The following VPS13B variants were observed in gnomAD, a reference collection of about 807,000 sequenced individuals.
VPS13B encodes intermembrane lipid transfer protein VPS13B.
VPS13B carries 285 observed loss-of-function variants against 426.4 expected under a neutral mutation model. The ratio of observed to expected loss-of-function variants is 0.67; its 90% CI spans 0.61 to 0.74. The LOEUF (loss-of-function observed/expected upper bound fraction) is 0.74, where lower values mean the gene tolerates loss of function less well. Ranked by LOEUF, VPS13B falls within the 30% of genes least tolerant of loss-of-function variation. The pLI is 0.00. For synonymous variants in VPS13B, 1,676 were observed against 1,676.4 expected, an observed-to-expected ratio of 1.00 and a Z score of 0.01; for missense variants, 4,537 against 4,782.6, an observed-to-expected ratio of 0.95 and a Z score of 1.51.
intron 21 of VPS13B, among the ~76,000 whole-genome samples, chr8:99,408,219 A>G (rs553766888): frequency 6.6e-6 from 1 of 152,296 alleles, no homozygotes; most frequent in East Asian, 1.9e-4. Flanking sequence ...TGGCTATTTT[A>G]CCAATATTAA....
intron 32 of VPS13B, among the ~76,000 whole-genome samples, chr8:99,577,186 AAAC>A: frequency 6.6e-6 from 1 of 152,312 alleles, no homozygotes. Context: ...TACATATTGA[AAAC>A]AATAATAATA....
intron 3 of VPS13B, among the ~76,000 whole-genome samples, chr8:99,062,889 C>T (rs1844267502): frequency 6.6e-6 from 1 of 152,080 alleles, no homozygotes; most frequent in Non-Finnish European, 1.5e-5. Context: ...GATGGGCACT[C>T]AAGTATAGAA....
chr8:99,248,332 T>C (rs2132910111), intron 17 of VPS13B, among the ~76,000 whole-genome samples: 1 of 152,302 alleles, frequency 6.6e-6, no homozygotes, highest in South Asian at 2.1e-4. Context: ...TTTCTTTCAA[T>C]GTATACATAT....
chr8:99,753,526 C>A (rs1810498008), intron 39 of VPS13B, among the ~76,000 whole-genome samples: 1 of 152,176 alleles, frequency 6.6e-6, no homozygotes, highest in East Asian at 1.9e-4. Flanking sequence ...TGCCCCTGCT[C>A]TAAGTTTTAA....
chr8:99,133,223 G>A (rs1809895332), intron 8 of VPS13B, among the ~76,000 whole-genome samples: 1 of 152,148 alleles, frequency 6.6e-6, no homozygotes, highest in Non-Finnish European at 1.5e-5. Flanking sequence ...GCGCTTTTAT[G>A]GTATGGAGAC....
chr8:99,051,617 G>A (rs1474743863), intron 3 of VPS13B, among the ~76,000 whole-genome samples: 5 of 152,118 alleles, frequency 3.3e-5, no homozygotes, highest in African/African-American at 1.2e-4. Context: ...AAATTACCTT[G>A]GGCAATATGG....
rs764859638 is a variant in VPS13B, at chr8:99,766,757, T to G, written c.7051-17T>G. 4.4e-6 allele frequency: 7 copies of G among 1,607,000 alleles called. No homozygotes were observed. Among genetic ancestry groups the G allele is most frequent in the South Asian group, 1.1e-5 (1 of 89,372 alleles). On this transcript the variant is annotated splice_polypyrimidine_tract_variant and intron_variant, in intron 39 of 61. Transcript: ENST00000357162. ...GTTTCTATTTGCAACTTCTAAATTT[T>G]TTTTATTTTAACATAGGTTCCTTGT...
At chr8:99,661,524 AT>A (rs1020658184) in intron 35 of VPS13B, 33 bp downstream of exon 35, 58 of 1,607,576 alleles carry the variant, frequency 3.6e-5, no homozygotes, top group Non-Finnish European at 4.7e-5. Context: ...ATGTGTGTAC[AT>A]TTTTTATGTG....
chr8:99,303,750 A>AAAAAAAAAAC (rs1820499522), intron 19 of VPS13B, among the ~76,000 whole-genome samples: 1 of 150,868 alleles, frequency 6.6e-6, no homozygotes. Context: ...AAAAAAAAAA[A>AAAAAAAAAAC]AGAATATATG....
chr8:99,621,197 A>G (rs1173630733), intron 33 of VPS13B, among the ~76,000 whole-genome samples: 2 of 152,140 alleles, frequency 1.3e-5, no homozygotes, highest in African/African-American at 4.8e-5. Context: ...TTAACAGGAA[A>G]CTTAGACTCC....
chr8:99,733,872 T>C (rs1563888090), intron 39 of VPS13B, among the ~76,000 whole-genome samples: 1 of 152,212 alleles, frequency 6.6e-6, no homozygotes, highest in African/African-American at 2.4e-5. Context: ...TATTGAGATA[T>C]AATTCACACA....
intron 58 of VPS13B, among the ~76,000 whole-genome samples, chr8:99,862,655 G>A (rs906177720): frequency 2.6e-5 from 4 of 152,150 alleles, no homozygotes; most frequent in South Asian, 2.1e-4. Flanking sequence ...TGCCTTCCGC[G>A]CATCTGAGGA....
At chr8:99,165,247 C>T (rs1030626406) in intron 15 of VPS13B, among the ~76,000 whole-genome samples, 2 of 151,998 alleles carry the variant, frequency 1.3e-5, no homozygotes, top group Non-Finnish European at 2.9e-5. Context: ...TTACTATAGT[C>T]TTCATGTTGT....
intron 17 of VPS13B, among the ~76,000 whole-genome samples, chr8:99,239,511 G>A (rs1450236722): frequency 1.3e-5 from 2 of 152,090 alleles, no homozygotes. Context: ...TGCCTCATTT[G>A]TAATAGTTAG....
intron 29 of VPS13B, among the ~76,000 whole-genome samples, chr8:99,519,641 C>T (rs865972633): frequency 3.3e-5 from 5 of 152,058 alleles, no homozygotes; most frequent in African/African-American, 9.7e-5. Flanking sequence ...GATGAGTTCA[C>T]GTCCTTTGTA....
chr8:99,842,452 T>A (rs569317805), intron 54 of VPS13B, among the ~76,000 whole-genome samples: 33 of 143,186 alleles, frequency 2.3e-4, no homozygotes, highest in African/African-American at 7.9e-4. Flanking sequence ...CTACAGAAAT[T>A]AAAAAAAAAA....
At chr8:99,485,252 A>G (rs1820241637) in intron 25 of VPS13B, among the ~76,000 whole-genome samples, 1 of 152,202 alleles carries the variant, frequency 6.6e-6, no homozygotes, top group Admixed American at 6.5e-5. Context: ...TAGTAGCCCT[A>G]TGCTGTTATT....
intron 2 of VPS13B, among the ~76,000 whole-genome samples, chr8:99,024,292 G>A (rs968732589): frequency 6.6e-6 from 1 of 152,318 alleles, no homozygotes; most frequent in Admixed American, 6.5e-5. Context: ...GTGTGCATGC[G>A]CACATGTGTG....
In VPS13B at chr8:99,229,672, A is replaced by G. The variant is rs1219011661; in HGVS notation, c.2515+36615A>G. ...ACCGTTACGGGCAAAACCTTGGCTT[A>G]AAGGAGAGATAGAAGGCCACTTTGG... On this transcript the variant is annotated intron_variant, in intron 17 of 61. Transcript: ENST00000357162. 2.0e-5 allele frequency among the ~76,000 whole-genome samples: 3 copies of G among 152,184 alleles called. No individual in the cohort carries two copies. In the East Asian group the frequency reaches 5.8e-4, roughly 29 times the overall value.
Sources: allele counts gnomAD v4.1 joint callset (sites outside exome capture counted in the v4.1 genomes callset), GRCh38; gene constraint gnomAD v4.1.1; transcripts MANE v1.5; gene names NCBI Gene and HGNC (gene_info 2026-07-23, HGNC 2026-07-21).